Variants in DCAF8L2 observed in about 807,000 individuals in gnomAD.
DCAF8L2 encodes the protein DDB1 and CUL4 associated factor 8 like 2, also known as DDB1- and CUL4-associated factor 8-like protein 2.
For missense variants in DCAF8L2, 430 were observed against 490.7 expected (o/e 0.88, Z 1.17); for synonymous variants, 200 against 190.9 (o/e 1.05, Z -0.39).
the DCAF8L2 span, among the ~76,000 whole-genome samples, chrX:27,511,200 A>G: frequency 3.6e-5 from 4 of 111,395 alleles, no homozygotes; most frequent in African/African-American, 1.3e-4. Flanking sequence ...AAGCTTGCAA[A>G]TGAAGTCTTA....
intron 4 of DCAF8L2, among the ~76,000 whole-genome samples, chrX:27,732,266 C>G (rs1026257855): frequency 3.6e-5 from 4 of 110,968 alleles, no homozygotes; most frequent in Admixed American, 9.7e-5. Context: ...ACCCTTTGAC[C>G]TACATTTCCC....
the DCAF8L2 span, among the ~76,000 whole-genome samples, chrX:27,491,699 A>G: frequency 9.0e-6 from 1 of 111,496 alleles, no homozygotes; most frequent in Non-Finnish European, 1.9e-5. Flanking sequence ...AAATCCATGA[A>G]CGTGGAATGT....
At chrX:27,662,883 C>A (rs1214174386) in intron 2 of DCAF8L2, among the ~76,000 whole-genome samples, 1 of 111,287 alleles carries the variant, frequency 9.0e-6, no homozygotes, top group Non-Finnish European at 1.9e-5. Flanking sequence ...TTCAGTGTAC[C>A]TTTCATATTT....
chrX:27,619,434 A>C (rs1927646007), intron 1 of DCAF8L2, among the ~76,000 whole-genome samples: 1 of 111,445 alleles, frequency 9.0e-6, no homozygotes, highest in Non-Finnish European at 1.9e-5. Context: ...AGACAGAGAC[A>C]GAGAGATTTG....
At chrX:27,591,879 G>T (rs1293251290) in intron 1 of DCAF8L2, among the ~76,000 whole-genome samples, 1 of 112,233 alleles carries the variant, frequency 8.9e-6, no homozygotes, top group Non-Finnish European at 1.9e-5. Flanking sequence ...AATCAACATA[G>T]CTTAAATCCT....
At chrX:27,606,258 A>ATATAGGAAT (rs1160888221) in intron 1 of DCAF8L2, among the ~76,000 whole-genome samples, 23 of 91,989 alleles carry the variant, frequency 2.5e-4, no homozygotes, top group African/African-American at 8.7e-4. Flanking sequence ...AATTATATAT[A>ATATAGGAAT]TATATATATA....
At chrX:27,588,510 G>T (rs998580230), upstream of DCAF8L2, among the ~76,000 whole-genome samples, 6 of 111,332 alleles carry the variant, frequency 5.4e-5, no homozygotes, top group African/African-American at 2.0e-4. Context: ...TAATGAGATT[G>T]CTTGGTTGAA....
chrX:27,580,239 G>A, the DCAF8L2 span, among the ~76,000 whole-genome samples: 8 of 110,681 alleles, frequency 7.2e-5, no homozygotes, highest in South Asian at 7.6e-4. Flanking sequence ...GGGCTAAGTC[G>A]TGTCAAGTGA....
intron 1 of DCAF8L2, among the ~76,000 whole-genome samples, chrX:27,607,886 A>G (rs191437228): frequency 1.3e-4 from 15 of 111,704 alleles, no homozygotes; most frequent in Admixed American, 1.1e-3. Flanking sequence ...TCCAGTAGCT[A>G]TATCAAGATA....
the DCAF8L2 span, among the ~76,000 whole-genome samples, chrX:27,488,601 A>G: frequency 9.6e-6 from 1 of 104,568 alleles, no homozygotes; most frequent in African/African-American, 3.5e-5. Context: ...TTGCAATGTC[A>G]GGGGAATAAA....
chrX:27,703,245 T>C (rs995821595), intron 3 of DCAF8L2, among the ~76,000 whole-genome samples: 1 of 111,299 alleles, frequency 9.0e-6, no homozygotes, highest in African/African-American at 3.3e-5. Context: ...GATTTAATAT[T>C]CTTAAGATAG....
At chrX:27,570,386 A>G in the DCAF8L2 span, among the ~76,000 whole-genome samples, 3 of 111,879 alleles carry the variant, frequency 2.7e-5, no homozygotes, top group African/African-American at 6.5e-5. Context: ...GTTTGGGCAC[A>G]TTCAGTTGTG....
At chrX:27,658,209 T>C (rs141937874) in intron 2 of DCAF8L2, among the ~76,000 whole-genome samples, 2,233 of 112,452 alleles carry the variant, frequency 0.02, 20 homozygotes, top group Non-Finnish European at 0.031. Flanking sequence ...TTGTTCCTCA[T>C]TGTTTAAAGT....
the DCAF8L2 span, among the ~76,000 whole-genome samples, chrX:27,513,004 C>G: frequency 7.2e-5 from 8 of 110,820 alleles, no homozygotes; most frequent in African/African-American, 2.6e-4. Flanking sequence ...AAAAGACAGT[C>G]TCTTCAATAA....
chrX:27,514,783 C>T, the DCAF8L2 span, among the ~76,000 whole-genome samples: 3 of 106,279 alleles, frequency 2.8e-5, no homozygotes, highest in Non-Finnish European at 5.8e-5. Context: ...ATAAGCCAGT[C>T]ATAAAAAGAC....
chrX:27,640,169 C>T (rs1455534544), intron 2 of DCAF8L2, among the ~76,000 whole-genome samples: 5 of 111,389 alleles, frequency 4.5e-5, no homozygotes, highest in African/African-American at 1.6e-4. Context: ...ATCGCAAGGA[C>T]AAAAAACCAA....
intron 2 of DCAF8L2, among the ~76,000 whole-genome samples, chrX:27,676,389 C>G (rs5971210): frequency 0.2 from 21,737 of 110,916 alleles, 2,567 homozygotes; most frequent in African/African-American, 0.44. Flanking sequence ...GTCTGATATG[C>G]AAGTATATGT....
intron 1 of DCAF8L2, among the ~76,000 whole-genome samples, chrX:27,598,974 AATAT>A: frequency 1.1e-5 from 1 of 92,188 alleles, no homozygotes; most frequent in East Asian, 3.4e-4. Context: ...AAAAAAAAAA[AATAT>A]ATATATATAT....
intron 2 of DCAF8L2, among the ~76,000 whole-genome samples, chrX:27,667,846 A>T (rs371202679): frequency 1.1e-4 from 12 of 112,358 alleles, no homozygotes; most frequent in Non-Finnish European, 1.9e-4. Context: ...TTTCACTTCA[A>T]ATATTGCTAT....
Sources: allele counts gnomAD v4.1 joint callset (sites outside exome capture counted in the v4.1 genomes callset), GRCh38; gene constraint gnomAD v4.1.1; transcripts MANE v1.5; gene names NCBI Gene and HGNC (gene_info 2026-07-23, HGNC 2026-07-21).